The following PCDHA7 variants were observed in gnomAD, a reference collection of about 807,000 sequenced individuals.
PCDHA7 encodes protocadherin alpha-7.
In PCDHA7, 37 loss-of-function variants were observed where a neutral mutation model predicts 57.2. The observed-to-expected ratio is 0.65, with a 90% CI of 0.50 to 0.85. The LOEUF is 0.85. PCDHA7 is among the 40% of genes least tolerant of loss of function. PCDHA7 has a pLI of 0.00. For synonymous variants in PCDHA7, 553 were observed against 558.8 expected (o/e 0.99, Z 0.15); for missense variants, 1,188 against 1,241.8 (o/e 0.96, Z 0.65).
chr5:140,913,178 A>G (rs2076245523), intron 1 of PCDHA7, among the ~76,000 whole-genome samples: 1 of 152,156 alleles, frequency 6.6e-6, no homozygotes, highest in African/African-American at 2.4e-5. Context: ...TCTTCTTTAA[A>G]TGTTTGGTAG....
intron 1 of PCDHA7, among the ~76,000 whole-genome samples, chr5:140,875,128 C>A (rs1554167491): frequency 6.6e-6 from 1 of 152,068 alleles, no homozygotes; most frequent in East Asian, 1.9e-4. Context: ...ATTAACTAAA[C>A]CCGCATTTAT....
rs782316296 is a variant in PCDHA7 at position 140,927,382 on chromosome 5, AG to A, written c.2356-51566del. Reference sequence around the variant, plus strand: ...CAATGGGATACTAAGCTACAGCCTAAGCCCCAGTCAGCACTTTCGCCTGGAC... The same window carrying A: ...CAATGGGATACTAAGCTACAGCCTAACCCCAGTCAGCACTTTCGCCTGGAC... On this transcript the variant is annotated intron_variant, in intron 1 of 3. Coordinates refer to ENST00000525929, the MANE Select transcript of PCDHA7 (RefSeq NM_018910.3). 6 of 1,614,012 alleles carry A rather than the reference AG, an allele frequency of 3.7e-6. No homozygotes were observed. The African/African-American group carries it at 8.0e-5, about 22-fold the overall frequency.
At position 140,856,900 on chromosome 5, in the gene PCDHA7, C is replaced by T. The variant is rs782598308; in HGVS notation, c.2355+20162C>T. On this transcript the variant is annotated intron_variant, in intron 1 of 3. Coordinates refer to ENST00000525929, the MANE Select transcript of PCDHA7 (RefSeq NM_018910.3). ...TGATGTATTCATTTAGCTCTTTGGT[C>T]CCACCCACGATAAGAAGGAAATTTT... The T allele has an allele frequency of 1.0e-5, 16 of 1,596,132 alleles. No homozygotes were observed. In the East Asian group the frequency reaches 2.7e-4, roughly 27 times the overall value.
chr5:140,847,846 ACT>A (rs2150404625), intron 1 of PCDHA7: 1 of 149,820 alleles, frequency 6.7e-6, no homozygotes, highest in Non-Finnish European at 1.5e-5. Flanking sequence ...GTTGGTTGCT[ACT>A]TTTTGTTGAT....
At chr5:140,836,794 C>A in intron 1 of PCDHA7, 56 bp downstream of exon 1, 1 of 1,396,740 alleles carries the variant, frequency 7.2e-7, no homozygotes, top group Non-Finnish European at 9.8e-7. Context: ...TTCAATTGGT[C>A]TCCTTAAATT....
chr5:140,843,138 G>A lies in PCDHA7; in HGVS notation c.2355+6400G>A. The stretch of plus-strand genomic sequence containing the variant: ...GACGCCGACTCGGGCTACAACGCGT[G>A]GCTTTCGTATGAGCTGCAGCCAGCT... On this transcript the variant is annotated intron_variant, in intron 1 of 3. Coordinates refer to ENST00000525929, the MANE Select transcript of PCDHA7 (RefSeq NM_018910.3). 1.3e-6 allele frequency: 2 copies of A among 1,596,034 alleles called. 1 individual carries two copies. The highest frequency in any genetic ancestry group is 1.7e-6 in the Non-Finnish European group (2 of 1,165,594).
intron 1 of PCDHA7, chr5:140,851,527 A>C (rs1335605014): frequency 2.2e-6 from 2 of 905,622 alleles, no homozygotes; most frequent in Middle Eastern, 5.6e-4. Context: ...AAAATGCCTG[A>C]CAATGTAGAT....
At chr5:140,926,752 C>G in intron 1 of PCDHA7, 2 of 1,254,462 alleles carry the variant, frequency 1.6e-6, no homozygotes, top group East Asian at 5.7e-5. Flanking sequence ...CGTCGGCGGT[C>G]GCTGAGTATC....
chr5:140,923,209 G>C (rs1454479273), intron 1 of PCDHA7, among the ~76,000 whole-genome samples: 3 of 150,998 alleles, frequency 2.0e-5, no homozygotes, highest in Non-Finnish European at 4.4e-5. Flanking sequence ...GGAGGCTAAG[G>C]TGAAAGGATC....
chr5:140,871,543 T>A (rs2053164172), intron 1 of PCDHA7: 2 of 1,503,536 alleles, frequency 1.3e-6, no homozygotes, highest in Non-Finnish European at 1.8e-6. Flanking sequence ...GTGAAATTAT[T>A]TAAAATCCAG....
chr5:140,968,118 C>T (rs141928119), intron 1 of PCDHA7: 717 of 1,614,170 alleles, frequency 4.4e-4, no homozygotes, highest in Middle Eastern at 2.3e-3. Context: ...CAGCTCACAT[C>T]CCTGCGTACA....
intron 1 of PCDHA7, among the ~76,000 whole-genome samples, chr5:140,888,278 C>G (rs1204327118): frequency 2.0e-5 from 3 of 151,932 alleles, no homozygotes; most frequent in African/African-American, 7.3e-5. Flanking sequence ...CAGTTTTGTC[C>G]CCTCTACCCC....
chr5:140,943,139 TC>T (rs1314499841), intron 1 of PCDHA7, among the ~76,000 whole-genome samples: 5 of 151,168 alleles, frequency 3.3e-5, no homozygotes, highest in Non-Finnish European at 5.9e-5. Flanking sequence ...GTGCCTGTAG[TC>T]CCAGCTACTC....
In PCDHA7 at chr5:140,876,858, G is replaced by A. The variant is rs201724019; in HGVS notation, c.2355+40120G>A. The A allele has an allele frequency of 1.3e-4, 215 of 1,614,152 alleles. No homozygotes were observed. In the East Asian group the frequency reaches 3.0e-3, roughly 22 times the overall value. ...CGTTCGCGCAGCCCGAGTACACAGT[G>A]TTCGTGAAGGAGAACAACCCGCCGG... On this transcript the variant is annotated intron_variant, in intron 1 of 3. Transcript: ENST00000525929.
rs781977975 is a variant in PCDHA7, at chr5:140,857,750, C to G, written c.2355+21012C>G. 1.9e-6 allele frequency: 3 copies of G among 1,597,316 alleles called. No homozygotes were observed. Among genetic ancestry groups the G allele is most frequent in the Non-Finnish European group, 1.7e-6 (2 of 1,167,614 alleles). On this transcript the variant is annotated intron_variant, in intron 1 of 3. Coordinates refer to ENST00000525929, the MANE Select transcript of PCDHA7 (RefSeq NM_018910.3). ...CAACGCTCCCGCGCTGCTGGCGTCT[C>G]CCGCTGGCAGCGCGGGCGGTGCAGT...
intron 3 of PCDHA7, among the ~76,000 whole-genome samples, chr5:140,997,797 C>A (rs2097786104): frequency 6.6e-6 from 1 of 151,944 alleles, no homozygotes; most frequent in Non-Finnish European, 1.5e-5. Context: ...TATAATTTAT[C>A]CAATTTGCTG....
intron 1 of PCDHA7, chr5:140,870,671 A>C (rs782353440): frequency 1.2e-6 from 2 of 1,612,606 alleles, no homozygotes; most frequent in East Asian, 2.2e-5. Flanking sequence ...CAGCCGTTGG[A>C]CCACGAGGAG....
At chr5:140,964,584 A>G (rs1347418719) in intron 1 of PCDHA7, among the ~76,000 whole-genome samples, 2 of 152,132 alleles carry the variant, frequency 1.3e-5, no homozygotes, top group African/African-American at 4.8e-5. Context: ...GGGAGGAAAG[A>G]TCACTTTTCA....
intron 1 of PCDHA7, among the ~76,000 whole-genome samples, chr5:140,886,267 A>C (rs1472520900): frequency 6.6e-6 from 1 of 151,960 alleles, no homozygotes; most frequent in African/African-American, 2.4e-5. Context: ...TTTATAGATA[A>C]AATTTTTTAA....
Sources: gnomAD v4.1 joint callset for allele counts (sites outside exome capture counted in the v4.1 genomes callset) on GRCh38, gnomAD v4.1.1 for gene constraint, MANE v1.5 for transcripts, NCBI Gene and HGNC (gene_info 2026-07-23, HGNC 2026-07-21) for gene names.